Variants in KCNG3 observed in about 807,000 individuals in gnomAD.
The protein encoded by KCNG3 is potassium voltage-gated channel modifier subfamily G member 3.
In KCNG3, 15 loss-of-function variants were observed where a neutral mutation model predicts 29.0. That is an observed-to-expected ratio of 0.52 (90% CI 0.35 to 0.80). The LOEUF (loss-of-function observed/expected upper bound fraction) is 0.80. Ranked by LOEUF, KCNG3 falls within the 30% of genes least tolerant of loss-of-function variation. The pLI, the probability that KCNG3 is intolerant of heterozygous loss-of-function variation, is 0.01. For missense variants in KCNG3, 512 were observed against 605.7 expected (o/e 0.85, Z 1.62); for synonymous variants, 322 against 248.9 (o/e 1.29, Z -2.76).
the KCNG3 span, among the ~76,000 whole-genome samples, chr2:42,406,826 C>A: frequency 2.6e-4 from 30 of 113,630 alleles, no homozygotes; most frequent in African/African-American, 5.2e-4. Context: ...GACTCCTTCT[C>A]AAAAAAAAAA....
chr2:42,440,284 G>A (rs2103654050), downstream of KCNG3: 1 of 152,202 alleles, frequency 6.6e-6, no homozygotes, highest in Non-Finnish European at 1.5e-5. Flanking sequence ...AGGGTCAGAG[G>A]ACTCGAAATA....
At chr2:42,479,090 G>A (rs763621517) in intron 1 of KCNG3, among the ~76,000 whole-genome samples, 4 of 151,810 alleles carry the variant, frequency 2.6e-5, no homozygotes, top group Non-Finnish European at 5.9e-5. Flanking sequence ...TCAGATTTTG[G>A]CACGTTTTGG....
chr2:42,393,237 C>T, the KCNG3 span, among the ~76,000 whole-genome samples: 1 of 148,356 alleles, frequency 6.7e-6, no homozygotes, highest in East Asian at 2.0e-4. Context: ...CAAAAAAAAA[C>T]AAAGAATTTT....
chr2:42,396,601 T>C, the KCNG3 span, among the ~76,000 whole-genome samples: 14 of 152,048 alleles, frequency 9.2e-5, no homozygotes, highest in African/African-American at 3.4e-4. Flanking sequence ...CAAGGGCCAG[T>C]GAGAGCTGGG....
Position 42,477,424 on chromosome 2 carries a change from TATA to T in KCNG3, c.665+15410_665+15412del, listed in dbSNP as rs1558386675. Reference sequence around the variant, plus strand: ...ACACACACACACACACACACACACATATATTTTTTTTTTTTTTTTTTGAGACGG... The same window carrying T: ...ACACACACACACACACACACACACATTTTTTTTTTTTTTTTTTTGAGACGG... On this transcript the variant is annotated intron_variant, in intron 1 of 1. Transcript: ENST00000306078. 7.0e-4 allele frequency among the ~76,000 whole-genome samples: 30 copies of T among 43,018 alleles called. 1 individual carries two copies. In the South Asian group the frequency reaches 8.1e-3, roughly 12 times the overall value. The allele number at this position is 43,018 out of a possible 152,430, so 28.2% of individuals were successfully genotyped here.
the KCNG3 span, among the ~76,000 whole-genome samples, chr2:42,392,854 G>C: frequency 6.6e-6 from 1 of 152,146 alleles, no homozygotes; most frequent in Admixed American, 6.5e-5. Context: ...ACAACAACGT[G>C]AGTTTCAAGC....
chr2:42,490,009 T>C (rs1004689431), intron 1 of KCNG3, among the ~76,000 whole-genome samples: 1 of 152,244 alleles, frequency 6.6e-6, no homozygotes, highest in Non-Finnish European at 1.5e-5. Flanking sequence ...CCACATGTAC[T>C]ACTTTATATG....
chr2:42,395,147 G>A, the KCNG3 span, among the ~76,000 whole-genome samples: 3 of 152,134 alleles, frequency 2.0e-5, no homozygotes, highest in Admixed American at 1.3e-4. Flanking sequence ...CTAATTCATC[G>A]GTTATAGATT....
chr2:42,478,398 A>G (rs979418198), intron 1 of KCNG3, among the ~76,000 whole-genome samples: 2 of 151,752 alleles, frequency 1.3e-5, no homozygotes, highest in East Asian at 3.9e-4. Flanking sequence ...ATGCCTAGCT[A>G]ATTTTCTTAA....
intron 1 of KCNG3, among the ~76,000 whole-genome samples, chr2:42,481,608 A>C (rs1384173112): frequency 2.6e-5 from 4 of 152,042 alleles, no homozygotes; most frequent in African/African-American, 9.7e-5. Context: ...AAACAATCAA[A>C]CCTAAATCCT....
chr2:42,392,835 A>G, the KCNG3 span, among the ~76,000 whole-genome samples: 1 of 152,126 alleles, frequency 6.6e-6, no homozygotes, highest in African/African-American at 2.4e-5. Context: ...CTGAGGAAAG[A>G]ACTCAGATAC....
the KCNG3 span, among the ~76,000 whole-genome samples, chr2:42,416,869 T>C: frequency 1.3e-5 from 2 of 151,448 alleles, no homozygotes; most frequent in African/African-American, 4.9e-5. Flanking sequence ...GTGACAGATA[T>C]GTTAACTGCT....
intron 1 of KCNG3, among the ~76,000 whole-genome samples, chr2:42,465,886 G>A (rs1673130663): frequency 6.6e-6 from 1 of 152,126 alleles, no homozygotes; most frequent in South Asian, 2.1e-4. Context: ...GATCAACTCT[G>A]TCATCAGAGA....
chr2:42,413,682 G>C, the KCNG3 span: 1 of 152,368 alleles, frequency 6.6e-6, no homozygotes, highest in African/African-American at 2.4e-5. Flanking sequence ...ACAGGAGGGA[G>C]GCCTCAGGAA....
chr2:42,480,342 G>A (rs1380519362), intron 1 of KCNG3, among the ~76,000 whole-genome samples: 1 of 152,132 alleles, frequency 6.6e-6, no homozygotes, highest in Non-Finnish European at 1.5e-5. Context: ...GGGAAAGAAC[G>A]TGCCTGAGGT....
chr2:42,400,132 T>A, the KCNG3 span, among the ~76,000 whole-genome samples: 1 of 152,000 alleles, frequency 6.6e-6, no homozygotes, highest in Admixed American at 6.6e-5. Flanking sequence ...ATGGGCAGTG[T>A]GGGAGAGGGC....
At chr2:42,478,252 T>C (rs1572861289) in intron 1 of KCNG3, among the ~76,000 whole-genome samples, 2 of 152,200 alleles carry the variant, frequency 1.3e-5, no homozygotes, top group Non-Finnish European at 2.9e-5. Context: ...AGAATTTTTT[T>C]TGAGATAGGG....
intron 1 of KCNG3, chr2:42,470,316 A>C (rs72800036): frequency 0.063 from 18,503 of 294,978 alleles, 759 homozygotes; most frequent in South Asian, 0.086. Flanking sequence ...TTTTAAAAAA[A>C]TGTACAGATT....
the KCNG3 span, among the ~76,000 whole-genome samples, chr2:42,403,985 T>A: frequency 1.3e-5 from 2 of 152,228 alleles, no homozygotes; most frequent in African/African-American, 2.4e-5. Context: ...TTATACTATC[T>A]TCACAAAATA....
Sources: allele counts gnomAD v4.1 joint callset (sites outside exome capture counted in the v4.1 genomes callset), GRCh38; gene constraint gnomAD v4.1.1; transcripts MANE v1.5; gene names NCBI Gene and HGNC (gene_info 2026-07-23, HGNC 2026-07-21).